The following DLGAP2 variants were observed in gnomAD, a reference collection of about 807,000 sequenced individuals.
DLGAP2 encodes DLG associated protein 2.
Under a neutral mutation model 100.3 loss-of-function variants are expected in DLGAP2, and 26 were observed. The observed-to-expected ratio is 0.26, with a 90% CI of 0.19 to 0.36. The LOEUF (loss-of-function observed/expected upper bound fraction) is 0.36. Among genes scored for constraint, DLGAP2 ranks in the 10% least tolerant of loss-of-function variants. DLGAP2 has a pLI of 1.00. For synonymous variants in DLGAP2, 886 were observed against 630.1 expected (o/e 1.41, Z -6.08); for missense variants, 1,858 against 1,453.2 (o/e 1.28, Z -4.53).
At chr8:1,126,078 G>C (rs550449939) in intron 2 of DLGAP2, among the ~76,000 whole-genome samples, 22 of 152,312 alleles carry the variant, frequency 1.4e-4, no homozygotes, top group African/African-American at 4.8e-4. Context: ...TCGAACACGC[G>C]GGAAATCAAT....
In DLGAP2 at chr8:1,154,842, G is replaced by A. The variant is rs568446059; in HGVS notation, c.74-104009G>A. On this transcript the variant is annotated intron_variant, in intron 2 of 14. Transcript: ENST00000637795. Reference sequence around the variant, plus strand: ...AAAGGCCCGGGGTGCCTTGGAGTTAGGATTTCAGCTGCCGCTCTGCTCTTC... The same window carrying A: ...AAAGGCCCGGGGTGCCTTGGAGTTAAGATTTCAGCTGCCGCTCTGCTCTTC... Among the ~76,000 whole-genome samples, 15 of 152,306 alleles carry A rather than the reference G, an allele frequency of 9.8e-5. No individual in the cohort carries two copies. In the East Asian group the frequency reaches 1.2e-3, roughly 12 times the overall value.
At chr8:1,276,200 C>T (rs1392875817) in intron 3 of DLGAP2, among the ~76,000 whole-genome samples, 4 of 150,108 alleles carry the variant, frequency 2.7e-5, no homozygotes, top group Non-Finnish European at 5.9e-5. Flanking sequence ...CTCTCAACTC[C>T]AATCAACACT....
chr8:1,452,969 G>A (rs557878635), intron 3 of DLGAP2, among the ~76,000 whole-genome samples: 1 of 152,336 alleles, frequency 6.6e-6, no homozygotes, highest in Non-Finnish European at 1.5e-5. Context: ...GGCGGCAGGT[G>A]TTATGGATGG....
At chr8:1,288,364 G>C (rs1435373129) in intron 3 of DLGAP2, among the ~76,000 whole-genome samples, 182 of 145,770 alleles carry the variant, frequency 1.2e-3, no homozygotes, top group African/African-American at 4.2e-3. Context: ...TGTTAGGAGG[G>C]GAACTTGTTT....
At chr8:1,662,609 C>T (rs1264085733) in intron 8 of DLGAP2, among the ~76,000 whole-genome samples, 2 of 152,274 alleles carry the variant, frequency 1.3e-5, no homozygotes, top group Admixed American at 6.5e-5. Flanking sequence ...TACCATTTTT[C>T]TTGTGGGCTG....
At chr8:1,273,226 A>G (rs1799617401) in intron 3 of DLGAP2, among the ~76,000 whole-genome samples, 1 of 152,208 alleles carries the variant, frequency 6.6e-6, no homozygotes, top group Non-Finnish European at 1.5e-5. Context: ...ACAAACACAC[A>G]TGCACCCTAA....
At chr8:1,189,649 T>G (rs1242765894) in intron 2 of DLGAP2, among the ~76,000 whole-genome samples, 1 of 152,222 alleles carries the variant, frequency 6.6e-6, no homozygotes, top group Admixed American at 6.5e-5. Context: ...TCCCCATGCC[T>G]GGAAACGGGA....
chr8:1,664,567 G>A (rs1798496474), intron 8 of DLGAP2, among the ~76,000 whole-genome samples: 1 of 152,170 alleles, frequency 6.6e-6, no homozygotes, highest in Non-Finnish European at 1.5e-5. Flanking sequence ...AAGCTTGCCA[G>A]GCACTTTACG....
chr8:943,119 G>T (rs1799232457), intron 2 of DLGAP2, among the ~76,000 whole-genome samples: 1 of 152,198 alleles, frequency 6.6e-6, no homozygotes, highest in East Asian at 1.9e-4. Context: ...TTTATACAGA[G>T]GGTGTGCGCA....
chr8:824,933 G>C (rs1311173713), intron 1 of DLGAP2, among the ~76,000 whole-genome samples: 1 of 152,310 alleles, frequency 6.6e-6, no homozygotes, highest in East Asian at 1.9e-4. Context: ...GGGCATCAGG[G>C]GATAGGAGAC....
chr8:759,025 T>C lies in DLGAP2; in HGVS notation c.18+21200T>C, dbSNP rs376846117. 5.0e-3 allele frequency among the ~76,000 whole-genome samples: 330 copies of C among 66,548 alleles called. 2 individuals carry two copies. The highest frequency in any genetic ancestry group is 0.014 in the African/African-American group (219 of 15,758). The allele number at this position is 66,548 out of a possible 152,430, so 43.7% of individuals were successfully genotyped here. ...ACAGCCTTCCCATTATCAATACCCCTGACAGCCTTCCCATTATCAATACCC... is the reference window on the plus strand; with the variant it reads ...ACAGCCTTCCCATTATCAATACCCCCGACAGCCTTCCCATTATCAATACCC... On this transcript the variant is annotated intron_variant, in intron 1 of 14. Coordinates refer to ENST00000637795, the MANE Select transcript of DLGAP2 (RefSeq NM_001346810.2).
chr8:1,521,649 T>G (rs1262431623), intron 4 of DLGAP2, among the ~76,000 whole-genome samples: 179 of 38,766 alleles, frequency 4.6e-3, no homozygotes, highest in African/African-American at 0.01. Flanking sequence ...GTTTGCACAC[T>G]TGTTTTAATT....
chr8:1,277,456 A>T (rs1799721471), intron 3 of DLGAP2, among the ~76,000 whole-genome samples: 1 of 152,150 alleles, frequency 6.6e-6, no homozygotes, highest in South Asian at 2.1e-4. Flanking sequence ...CCTGTGATAG[A>T]TGTGTGGGGT....
In DLGAP2 at chr8:1,350,258, GCATGTGTGGAACGGCCGTGCGGGTCC is replaced by G. The variant is rs1563099047; in HGVS notation, c.106+91376_106+91401del. On this transcript the variant is annotated intron_variant, in intron 3 of 14. Coordinates refer to ENST00000637795, the MANE Select transcript of DLGAP2 (RefSeq NM_001346810.2). ...CGTGGAAAGGCCGTGCGGGTCCTGA[GCATGTGTGGAACGGCCGTGCGGGTCC>G]TGAGCGTGCGTGGAAAGGCCGTGCG... Among the ~76,000 whole-genome samples, 364 of 67,700 alleles carry G rather than the reference GCATGTGTGGAACGGCCGTGCGGGTCC, an allele frequency of 5.4e-3. 33 individuals are homozygous for G. The highest frequency in any genetic ancestry group is 0.022 in the Middle Eastern group (2 of 92). 44.4% of individuals were successfully genotyped at this position (67,700 alleles called of 152,430 possible).
intron 1 of DLGAP2, among the ~76,000 whole-genome samples, chr8:826,183 T>A (rs1170218141): frequency 1.3e-5 from 2 of 152,258 alleles, no homozygotes; most frequent in African/African-American, 4.8e-5. Flanking sequence ...TGCATAGTTC[T>A]CCACTGTGTA....
In DLGAP2 at chr8:1,418,546, G is replaced by C. The variant is rs556124104; in HGVS notation, c.107-82820G>C. ...CACAGTCAAAATGGAAGCTTCACCT[G>C]GCTGCCAGTGCTCTCTCTGCATTCA... On this transcript the variant is annotated intron_variant, in intron 3 of 14. Coordinates refer to ENST00000637795, the MANE Select transcript of DLGAP2 (RefSeq NM_001346810.2). Among the ~76,000 whole-genome samples the C allele has an allele frequency of 1.3e-3, 193 of 152,150 alleles. 1 individual carries two copies. Among genetic ancestry groups the C allele is most frequent in the Middle Eastern group, 6.8e-3 (2 of 294 alleles).
chr8:886,948 G>T (rs919748687), intron 1 of DLGAP2, among the ~76,000 whole-genome samples: 7 of 152,182 alleles, frequency 4.6e-5, no homozygotes, highest in African/African-American at 1.7e-4. Flanking sequence ...TTGTTGATCT[G>T]TCTAACACTG....
Position 1,036,191 on chromosome 8 carries a change from C to T in DLGAP2, c.73+128225C>T, listed in dbSNP as rs541810291. 3.0e-3 allele frequency among the ~76,000 whole-genome samples: 436 copies of T among 145,950 alleles called. 5 individuals carry two copies. The highest frequency in any genetic ancestry group is 0.011 in the African/African-American group (404 of 36,818). On this transcript the variant is annotated intron_variant, in intron 2 of 14. Coordinates refer to ENST00000637795, the MANE Select transcript of DLGAP2 (RefSeq NM_001346810.2). ...CTCATCCCGACCCCGCGTGTCACCG[C>T]GAGTGGGTTCACAGCCTCATCCCGA...
chr8:1,268,891 A>G (rs1286893355), intron 3 of DLGAP2, among the ~76,000 whole-genome samples: 2 of 152,208 alleles, frequency 1.3e-5, no homozygotes, highest in Non-Finnish European at 2.9e-5. Context: ...CCTTCAGGCT[A>G]AGTCGGCTTT....
Sources: gnomAD v4.1 joint callset for allele counts (sites outside exome capture counted in the v4.1 genomes callset) on GRCh38, gnomAD v4.1.1 for gene constraint, MANE v1.5 for transcripts, NCBI Gene and HGNC (gene_info 2026-07-23, HGNC 2026-07-21) for gene names.